The following IQCB1 variants were observed in gnomAD, a reference collection of about 807,000 sequenced individuals.
The protein encoded by IQCB1 is IQ motif containing B1.
A neutral mutation model predicts 84.4 loss-of-function variants in IQCB1; 56 were observed. The ratio of observed to expected loss-of-function variants is 0.66; its 90% CI spans 0.54 to 0.83. IQCB1 has a LOEUF of 0.83. IQCB1 is among the 40% of genes least tolerant of loss of function. IQCB1 has a pLI of 0.00. For missense variants in IQCB1, 629 were observed against 682.1 expected (o/e 0.92, Z 0.87); for synonymous variants, 210 against 234.8 (o/e 0.89, Z 0.96).
chr3:121,830,787 C>T (rs1254440458), intron 2 of IQCB1, among the ~76,000 whole-genome samples: 1 of 152,202 alleles, frequency 6.6e-6, no homozygotes, highest in Non-Finnish European at 1.5e-5. Context: ...TCATCCCTGC[C>T]TTTCTCTGAC....
At chr3:121,815,145 C>A (rs1401093703) in intron 5 of IQCB1, among the ~76,000 whole-genome samples, 2 of 152,154 alleles carry the variant, frequency 1.3e-5, no homozygotes, top group Non-Finnish European at 2.9e-5. Flanking sequence ...ATAAACAGAA[C>A]CAATGACAAA....
chr3:121,812,380 C>T (rs974478311), intron 5 of IQCB1, among the ~76,000 whole-genome samples: 21 of 152,160 alleles, frequency 1.4e-4, no homozygotes, highest in East Asian at 1.3e-3. Flanking sequence ...CAAATGATCG[C>T]GATTCCTCCC....
intron 10 of IQCB1, among the ~76,000 whole-genome samples, chr3:121,791,202 G>C (rs1576561175): frequency 6.6e-6 from 1 of 152,086 alleles, no homozygotes; most frequent in African/African-American, 2.4e-5. Context: ...TTTTCTCTTA[G>C]ATCTTTTTTT....
At chr3:121,799,794 C>A (rs1949336533) in intron 7 of IQCB1, among the ~76,000 whole-genome samples, 1 of 151,846 alleles carries the variant, frequency 6.6e-6, no homozygotes, top group Non-Finnish European at 1.5e-5. Flanking sequence ...GGAATTCTAT[C>A]ATGTGCTTAA....
intron 6 of IQCB1, among the ~76,000 whole-genome samples, chr3:121,808,208 G>A (rs1353061163): frequency 2.0e-5 from 3 of 151,956 alleles, no homozygotes; most frequent in African/African-American, 7.2e-5. Flanking sequence ...GTCAGGGATT[G>A]TGTGTGTTTT....
At chr3:121,792,557 G>C (rs1949031979) in intron 10 of IQCB1, among the ~76,000 whole-genome samples, 1 of 142,820 alleles carries the variant, frequency 7.0e-6, no homozygotes, top group Non-Finnish European at 1.5e-5. Context: ...AGCTACTCGG[G>C]AGGCTGAGGC....
chr3:121,772,579 G>A lies in IQCB1; in HGVS notation c.1545C>T (p.Ser515=), dbSNP rs1948043504. The A allele has an allele frequency of 6.2e-7, 1 of 1,614,222 alleles. No homozygotes were observed. The highest frequency in any genetic ancestry group is 1.7e-5 in the Admixed American group (1 of 60,020). The change falls in exon 14 of 15, where the codon AGC becomes AGT. Residue 515 remains serine (S), a synonymous_variant. Transcript: ENST00000310864. ...QHREALIAQI[S]TNVEQLMKAP... ...TACTCATTAGCTGTTCAACGTTGGTGCTGATCTGTGCTATCAGAGCTTCTC... is the reference window on the plus strand; with the variant it reads ...TACTCATTAGCTGTTCAACGTTGGTACTGATCTGTGCTATCAGAGCTTCTC...
At position 121,776,776 on chromosome 3, in the gene IQCB1, CATCTATCTTTTGGTGAAGT is replaced by C. The variant is rs1307003187; in HGVS notation, c.1411-4082_1411-4064del. Among the ~76,000 whole-genome samples the C allele has an allele frequency of 2.0e-5, 3 of 152,162 alleles. No homozygotes were observed. In the East Asian group the frequency reaches 5.8e-4, roughly 29 times the overall value. On this transcript the variant is annotated intron_variant, in intron 13 of 14. Coordinates refer to ENST00000310864, the MANE Select transcript of IQCB1 (RefSeq NM_001023570.4). Reference sequence around the variant, plus strand: ...ATGCATTTTTCATGTGTTTATTTGTCATCTATCTTTTGGTGAAGTATCTGTTCAAAGCTTTTGTCCATTT... The same window carrying C: ...ATGCATTTTTCATGTGTTTATTTGTCATCTGTTCAAAGCTTTTGTCCATTT...
intron 5 of IQCB1, among the ~76,000 whole-genome samples, chr3:121,823,828 T>G (rs768410993): frequency 2.0e-5 from 3 of 152,218 alleles, no homozygotes; most frequent in Non-Finnish European, 4.4e-5. Context: ...TTCATTTCTT[T>G]AAATTATTGA....
Position 121,797,988 on chromosome 3 carries a change from T to C in IQCB1, c.767-761A>G, listed in dbSNP as rs148979927. Among the ~76,000 whole-genome samples, 1,505 of 152,126 alleles carry C rather than the reference T, an allele frequency of 9.9e-3. 14 individuals are homozygous for C. The highest frequency in any genetic ancestry group is 0.037 in the Middle Eastern group (11 of 294). On this transcript the variant is annotated intron_variant, in intron 8 of 14. Transcript: ENST00000310864. ...TTCAACACCCAAGTTCTCAGCAGTA[T>C]TAATAATTGTAAAATATCTTCAGGA...
At chr3:121,810,416 C>T (rs1392139810) in intron 5 of IQCB1, among the ~76,000 whole-genome samples, 2 of 151,990 alleles carry the variant, frequency 1.3e-5, no homozygotes, top group African/African-American at 2.4e-5. Context: ...CTTACTTTTT[C>T]TGTAGCCAAT....
At position 121,801,634 on chromosome 3, in the gene IQCB1, G is replaced by GT. The variant is rs541596142; in HGVS notation, c.588-2261dup. On this transcript the variant is annotated intron_variant, in intron 7 of 14. Coordinates refer to ENST00000310864, the MANE Select transcript of IQCB1 (RefSeq NM_001023570.4). ...ATATGTAAAGCATATAATTTCATCA[G>GT]TTTGACATGTTTCACCAACATAAAA... Among the ~76,000 whole-genome samples, 467 of 151,938 alleles carry GT rather than the reference G, an allele frequency of 3.1e-3. 3 individuals carry two copies. The highest frequency in any genetic ancestry group is 6.8e-3 in the Middle Eastern group (2 of 294).
At chr3:121,781,914 C>T (rs748257203) in intron 12 of IQCB1, 40 bp from the exon 13 acceptor site, 2 of 1,599,876 alleles carry the variant, frequency 1.3e-6, no homozygotes, top group Non-Finnish European at 1.7e-6. Context: ...TTTTTCTCCC[C>T]TAACTAATAG....
chr3:121,819,725 C>A (rs1950207805), intron 5 of IQCB1, among the ~76,000 whole-genome samples: 1 of 152,032 alleles, frequency 6.6e-6, no homozygotes, highest in Non-Finnish European at 1.5e-5. Flanking sequence ...ATGATTTTTA[C>A]TCATGAGTAA....
intron 13 of IQCB1, among the ~76,000 whole-genome samples, chr3:121,780,723 C>T (rs890513403): frequency 1.3e-5 from 2 of 152,072 alleles, no homozygotes; most frequent in Non-Finnish European, 2.9e-5. Flanking sequence ...TTGTTTGTTA[C>T]AAAAAGTCCT....
chr3:121,800,969 C>G (rs1277228051), intron 7 of IQCB1, among the ~76,000 whole-genome samples: 1 of 151,902 alleles, frequency 6.6e-6, no homozygotes, highest in African/African-American at 2.4e-5. Flanking sequence ...TTTTCCTAGA[C>G]TTGTTTGTAT....
In IQCB1 at chr3:121,779,997, C is replaced by T. The variant is rs1197221554; in HGVS notation, c.1410+1746G>A. 3.9e-5 allele frequency among the ~76,000 whole-genome samples: 6 copies of T among 152,122 alleles called. No homozygotes were observed. The South Asian group carries it at 8.3e-4, about 21-fold the overall frequency. On this transcript the variant is annotated intron_variant, in intron 13 of 14. Coordinates refer to ENST00000310864, the MANE Select transcript of IQCB1 (RefSeq NM_001023570.4). ...TTCCGTCTTACCTTTTCAGATGACT[C>T]GATAATTTGGCTTTGGATAATTTCC... is the stretch of plus-strand genomic sequence containing the variant.
chr3:121,770,429 T>A lies in IQCB1; in HGVS notation c.1713A>T (p.Glu571Asp). The part of the protein sequence containing the change: ...QAPWWKKLGE[E>D]SGDEIDVPKD... ...TTGGAACATCAATCTCATCTCCAGA[T>A]TCTTCTCCAAGCTTCTTCCACCAGG... The change falls in exon 15 of 15, where the codon GAA becomes GAT. Residue 571 changes from glutamate to aspartate, a missense_variant. Physicochemically the swap from Glu to Asp is conservative, Grantham distance 45 (BLOSUM62 2). Coordinates refer to ENST00000310864, the MANE Select transcript of IQCB1 (RefSeq NM_001023570.4). 6.2e-7 allele frequency: 1 copy of A among 1,614,214 alleles called. No homozygotes were observed. The highest frequency in any genetic ancestry group is 8.5e-7 in the Non-Finnish European group (1 of 1,180,016).
In IQCB1 at chr3:121,818,908, T is replaced by C. The variant is rs562595621; in HGVS notation, c.393+7143A>G. On this transcript the variant is annotated intron_variant, in intron 5 of 14. Coordinates refer to ENST00000310864, the MANE Select transcript of IQCB1 (RefSeq NM_001023570.4). The stretch of plus-strand genomic sequence containing the variant: ...ATAAACTGGAAATATGTTGTGAGGG[T>C]GGAAGCAAACAGCAACTTTTAAAAG... Among the ~76,000 whole-genome samples, 3 of 148,918 alleles carry C rather than the reference T, an allele frequency of 2.0e-5. 1 individual carries two copies. Among genetic ancestry groups the C allele is most frequent in the South Asian group, 4.2e-4 (2 of 4,782 alleles).
Sources: gnomAD v4.1 joint callset for allele counts (sites outside exome capture counted in the v4.1 genomes callset) on GRCh38, gnomAD v4.1.1 for gene constraint, MANE v1.5 for transcripts, NCBI Gene and HGNC (gene_info 2026-07-23, HGNC 2026-07-21) for gene names.